GPATCH2: variants seen among roughly 807,000 people sequenced by gnomAD.
GPATCH2 encodes G-patch domain containing 2.
A neutral mutation model predicts 58.0 loss-of-function variants in GPATCH2; 51 were observed. The observed-to-expected ratio is 0.88, with a 90% CI of 0.70 to 1.11. GPATCH2 has a LOEUF of 1.11. Ranked by LOEUF, GPATCH2 falls within the 50% of genes most tolerant of loss-of-function variation. GPATCH2 has a pLI of 0.00. For synonymous variants in GPATCH2, 222 were observed against 218.5 expected, an observed-to-expected ratio of 1.02 and a Z score of -0.14; for missense variants, 625 against 652.2, an observed-to-expected ratio of 0.96 and a Z score of 0.45.
intron 8 of GPATCH2, among the ~76,000 whole-genome samples, chr1:217,484,085 A>G (rs1286823612): frequency 6.6e-6 from 1 of 152,156 alleles, no homozygotes; most frequent in Non-Finnish European, 1.5e-5. Flanking sequence ...TACCAAGTCA[A>G]TTTGACTGGG....
At chr1:217,450,653 A>C (rs1659619688) in intron 8 of GPATCH2, among the ~76,000 whole-genome samples, 1 of 152,144 alleles carries the variant, frequency 6.6e-6, no homozygotes, top group Non-Finnish European at 1.5e-5. Context: ...CAAAATAATT[A>C]TAATTATTAA....
chr1:217,484,736 GTATA>G (rs1661381122), intron 8 of GPATCH2, among the ~76,000 whole-genome samples: 1 of 150,252 alleles, frequency 6.7e-6, no homozygotes, highest in Non-Finnish European at 1.5e-5. Flanking sequence ...ATGTGCATAT[GTATA>G]TAAATACATA....
chr1:217,621,260 C>T (rs937307980), intron 1 of GPATCH2, among the ~76,000 whole-genome samples: 1 of 152,098 alleles, frequency 6.6e-6, no homozygotes. Context: ...TAAATTATAC[C>T]TGTCCTTTTA....
chr1:217,569,083 T>C (rs931770672), intron 5 of GPATCH2, among the ~76,000 whole-genome samples: 12 of 151,536 alleles, frequency 7.9e-5, no homozygotes, highest in Admixed American at 3.9e-4. Context: ...GCAAGGTTTA[T>C]AGTATGAACA....
rs547336084 is a variant in GPATCH2, at chr1:217,620,478, C to T, written c.78G>A (p.Glu26=). The stretch of plus-strand genomic sequence containing the variant: ...CTGAGACAAGGTCATGAACCAGCTC[C>T]TCCATGGTTCTACTGAAATGCCTTC... ...GNSWHFSRTM[E]ELVHDLVSAL... is the part of the protein sequence containing the mutation. The change falls in exon 2 of 10, where the codon GAG becomes GAA. Residue 26 remains glutamate, a synonymous_variant. Coordinates refer to ENST00000366935, the MANE Select transcript of GPATCH2 (RefSeq NM_018040.5). 6.7e-5 allele frequency: 107 copies of T among 1,607,960 alleles called. 1 individual carries two copies. In the South Asian group the frequency reaches 1.1e-3, roughly 16 times the overall value.
At chr1:217,518,086 A>T (rs1003275603) in intron 5 of GPATCH2, among the ~76,000 whole-genome samples, 1 of 152,152 alleles carries the variant, frequency 6.6e-6, no homozygotes, top group Admixed American at 6.5e-5. Context: ...AATAAAGCAG[A>T]TATATTTCTT....
chr1:217,609,698 T>A, intron 5 of GPATCH2: 3 of 967,618 alleles, frequency 3.1e-6, no homozygotes, highest in Non-Finnish European at 3.7e-6. Context: ...ATATAAGACT[T>A]CTCTAAAAAT....
chr1:217,474,463 T>A (rs1335234441), intron 8 of GPATCH2, among the ~76,000 whole-genome samples: 2 of 152,184 alleles, frequency 1.3e-5, no homozygotes, highest in African/African-American at 4.8e-5. Context: ...ATGGCATAAA[T>A]TGGACATAAA....
At chr1:217,520,422 C>T (rs534341744) in intron 5 of GPATCH2, among the ~76,000 whole-genome samples, 19 of 152,186 alleles carry the variant, frequency 1.2e-4, no homozygotes, top group South Asian at 8.3e-4. Flanking sequence ...AATCTAATAA[C>T]GGTACAAAAA....
chr1:217,575,935 T>C (rs1381050086), intron 5 of GPATCH2, among the ~76,000 whole-genome samples: 3 of 152,174 alleles, frequency 2.0e-5, no homozygotes, highest in African/African-American at 4.8e-5. Flanking sequence ...CAAGTTATTA[T>C]CATCTATTAC....
intron 3 of GPATCH2, among the ~76,000 whole-genome samples, chr1:217,613,480 G>A (rs1389455003): frequency 1.3e-5 from 2 of 152,018 alleles, no homozygotes; most frequent in Non-Finnish European, 2.9e-5. Flanking sequence ...GATTTGTATG[G>A]AGCGTAAAAG....
chr1:217,537,124 G>C (rs763731808), intron 5 of GPATCH2, among the ~76,000 whole-genome samples: 54 of 152,176 alleles, frequency 3.5e-4, no homozygotes, highest in Non-Finnish European at 8.8e-5. Flanking sequence ...GTGATTCTAT[G>C]TTGAGTTCTT....
chr1:217,535,597 C>T (rs1389925167), intron 5 of GPATCH2, among the ~76,000 whole-genome samples: 2 of 152,136 alleles, frequency 1.3e-5, no homozygotes, highest in Admixed American at 6.5e-5. Flanking sequence ...GTGATCCATC[C>T]GCCTCGGCCT....
rs899262188 is a variant in GPATCH2 at position 217,492,764 on chromosome 1, A to G, written c.1207-1014T>C. ...GAGTATTAAGTAATATAAACCATTT[A>G]AAATATTCAGTGCTATAAAACTGGA... is the stretch of plus-strand genomic sequence containing the variant. On this transcript the variant is annotated intron_variant, in intron 7 of 9. Transcript: ENST00000366935. The G allele has an allele frequency of 1.4e-4, 21 of 152,244 alleles. 1 individual carries two copies. The highest frequency in any genetic ancestry group is 1.3e-3 in the Admixed American group (20 of 15,282). 9.4% of individuals were successfully genotyped at this position (152,244 alleles called of 1,614,324 possible). A position where few individuals can be genotyped will look rare whatever the true frequency, so the allele number is the denominator to read the frequency against.
intron 5 of GPATCH2, among the ~76,000 whole-genome samples, chr1:217,524,465 C>A (rs1176704739): frequency 6.6e-6 from 1 of 151,780 alleles, no homozygotes; most frequent in Non-Finnish European, 1.5e-5. Context: ...GGGTGGCGGC[C>A]GGGCAGAGGC....
intron 6 of GPATCH2, among the ~76,000 whole-genome samples, chr1:217,512,006 T>C (rs1408895164): frequency 2.6e-5 from 4 of 151,930 alleles, no homozygotes; most frequent in African/African-American, 9.7e-5. Context: ...GGGATGAAAA[T>C]ACAGACTTAC....
intron 8 of GPATCH2, among the ~76,000 whole-genome samples, chr1:217,491,278 A>G (rs2102532619): frequency 6.6e-6 from 1 of 152,314 alleles, no homozygotes; most frequent in Non-Finnish European, 1.5e-5. Flanking sequence ...TCTTTAAAAG[A>G]GACTACTTTC....
intron 5 of GPATCH2, among the ~76,000 whole-genome samples, chr1:217,567,949 C>T (rs773597249): frequency 3.9e-5 from 6 of 152,090 alleles, no homozygotes; most frequent in Middle Eastern, 3.4e-3. Context: ...ACCCCGTCTC[C>T]ACTAAAAATA....
In GPATCH2 at chr1:217,514,792, T is replaced by A. The variant is rs1247229839; in HGVS notation, c.1166+30A>T. 7 of 1,006,050 alleles carry A rather than the reference T, an allele frequency of 7.0e-6. No homozygotes were observed. The South Asian group carries it at 9.1e-5, about 13-fold the overall frequency. The allele number at this position is 1,006,050 out of a possible 1,614,324, so 62.3% of individuals were successfully genotyped here. A position where few individuals can be genotyped will look rare whatever the true frequency, so the allele number is the denominator to read the frequency against. ...AAAAGAGCTAAGTAGAATACTCCAA[T>A]AAGGTTATATAAACACACTGAGTAC... On this transcript the variant is annotated intron_variant, in intron 6 of 9. Transcript: ENST00000366935.
Sources: allele counts gnomAD v4.1 joint callset (sites outside exome capture counted in the v4.1 genomes callset), GRCh38; gene constraint gnomAD v4.1.1; transcripts MANE v1.5; gene names NCBI Gene and HGNC (gene_info 2026-07-23, HGNC 2026-07-21).